MAP4K1: variants seen among roughly 807,000 people sequenced by gnomAD.
The protein encoded by MAP4K1 is MAPK/ERK kinase kinase kinase 1.
MAP4K1 carries 35 observed loss-of-function variants against 122.8 expected under a neutral mutation model. That is an observed-to-expected ratio of 0.29 (90% CI 0.22 to 0.38). The LOEUF (loss-of-function observed/expected upper bound fraction) is 0.38, where lower values mean the gene tolerates loss of function less well. MAP4K1 is among the 10% of genes least tolerant of loss of function. The pLI is 1.00. For missense variants in MAP4K1, 791 were observed against 1,072.6 expected, an observed-to-expected ratio of 0.74 and a Z score of 3.67; for synonymous variants, 412 against 421.3, an observed-to-expected ratio of 0.98 and a Z score of 0.27.
intron 19 of MAP4K1, among the ~76,000 whole-genome samples, chr19:38,601,921 G>T (rs777332874): frequency 6.6e-6 from 1 of 151,928 alleles, no homozygotes. Context: ...GGGACCAAAG[G>T]CGTGTGCCAC....
chr19:38,591,526 C>CAAAA (rs5828010), intron 30 of MAP4K1, among the ~76,000 whole-genome samples: 2 of 66,672 alleles, frequency 3.0e-5, no homozygotes, highest in Admixed American at 1.4e-4. Flanking sequence ...GACTCCATCT[C>CAAAA]AAAAAAAAAA....
intron 19 of MAP4K1, among the ~76,000 whole-genome samples, chr19:38,603,357 T>C (rs563009506): frequency 4.2e-5 from 6 of 144,374 alleles, no homozygotes; most frequent in Non-Finnish European, 6.1e-5. Flanking sequence ...CACATATACA[T>C]ATATACACAC....
intron 17 of MAP4K1, among the ~76,000 whole-genome samples, 168 bp downstream of exon 17, chr19:38,606,005 C>T (rs1441954731): frequency 6.6e-6 from 1 of 152,314 alleles, no homozygotes; most frequent in African/African-American, 2.4e-5. Context: ...ATTTTGAATC[C>T]GACCCTGAGG....
At chr19:38,603,293 CACATACAT>C (rs1975208854) in intron 19 of MAP4K1, among the ~76,000 whole-genome samples, 1 of 150,000 alleles carries the variant, frequency 6.7e-6, no homozygotes. Flanking sequence ...TATACACACA[CACATACAT>C]GTATACATAT....
In MAP4K1 at chr19:38,592,915, C is replaced by CTTAA. The variant is rs553588599; in HGVS notation, c.2396+366_2396+367insTTAA. Among the ~76,000 whole-genome samples, 605 of 146,926 alleles carry CTTAA rather than the reference C, an allele frequency of 4.1e-3. 8 individuals are homozygous for CTTAA. Among genetic ancestry groups the CTTAA allele is most frequent in the African/African-American group, 0.016 (585 of 36,986 alleles). On this transcript the variant is annotated intron_variant, in intron 30 of 30. Transcript: ENST00000396857. ...CTGGGCAACAAAAGCAAAACTCCAT[C>CTTAA]TCAATAAATAAATAAATAAATAAAT...
At chr19:38,596,996 AC>A in intron 25 of MAP4K1, 37 bp downstream of exon 25, 1 of 1,589,468 alleles carries the variant, frequency 6.3e-7, no homozygotes, top group Non-Finnish European at 8.6e-7. Context: ...TTAGCCACCC[AC>A]TCCTCAGAGT....
chr19:38,588,590 AAT>A (rs1286082915), intron 30 of MAP4K1, among the ~76,000 whole-genome samples: 1 of 148,230 alleles, frequency 6.7e-6, no homozygotes, highest in Non-Finnish European at 1.5e-5. Flanking sequence ...CTCTACTAAA[AAT>A]ACAAAAAAAA....
At position 38,597,482 on chromosome 19, in the gene MAP4K1, G is replaced by C; in HGVS notation, c.1778+4C>G. The stretch of plus-strand genomic sequence containing the variant: ...GTGTGGTGCCATTCATTGGGAGCTG[G>C]TACCTTGCCAGTAGGCGGTGGGGGC... On this transcript the variant is annotated splice_donor_region_variant and intron_variant, in intron 23 of 30. Transcript: ENST00000396857. The surrounding 1 kb of genome is among the most constrained non-coding windows in gnomAD (Gnocchi z 4.6). 1 of 1,613,988 alleles carries C rather than the reference G, an allele frequency of 6.2e-7. No individual in the cohort carries two copies. Among genetic ancestry groups the C allele is most frequent in the Non-Finnish European group, 8.5e-7 (1 of 1,179,920 alleles).
intron 19 of MAP4K1, 137 bp from the exon 20 acceptor site, chr19:38,601,662 T>C (rs1975069612): frequency 1.5e-6 from 1 of 648,156 alleles, no homozygotes; most frequent in Non-Finnish European, 2.7e-6. Flanking sequence ...TTTCCCATAA[T>C]CTATCCCTGT....
chr19:38,594,010 G>A (rs1261499636), intron 29 of MAP4K1, among the ~76,000 whole-genome samples: 1 of 152,198 alleles, frequency 6.6e-6, no homozygotes, highest in East Asian at 1.9e-4. Context: ...GGCACAGGAA[G>A]GTTAAGTCAT....
At position 38,608,094 on chromosome 19, in the gene MAP4K1, G is replaced by C. The variant is rs41274336; in HGVS notation, c.1065+18C>G. ...GGAAGCAGGCGGTGTGGTGGGGAGT[G>C]GGGGGACAGCATCTCACGGTGTTGG... On this transcript the variant is annotated intron_variant, in intron 14 of 30. Transcript: ENST00000396857. 7.7e-6 allele frequency: 12 copies of C among 1,550,072 alleles called. No homozygotes were observed. Among genetic ancestry groups the C allele is most frequent in the African/African-American group, 2.7e-5 (2 of 72,806 alleles).
chr19:38,608,703 G>A (rs956341437), intron 13 of MAP4K1, among the ~76,000 whole-genome samples: 2 of 150,244 alleles, frequency 1.3e-5, no homozygotes, highest in African/African-American at 4.9e-5. Flanking sequence ...TGGAGGCTGA[G>A]GCAGGAGAAT....
intron 4 of MAP4K1, chr19:38,614,646 C>T (rs1388645672): frequency 1.5e-5 from 9 of 616,716 alleles, no homozygotes; most frequent in Middle Eastern, 8.7e-4. Flanking sequence ...ATAGGCCTGG[C>T]GCAGTGGCTC....
At chr19:38,599,856 C>A in intron 22 of MAP4K1, 69 bp downstream of exon 22, 1 of 1,471,268 alleles carries the variant, frequency 6.8e-7, no homozygotes, top group Non-Finnish European at 9.5e-7. Context: ...TGCCCGTCTA[C>A]TTCCCAGCCC....
At chr19:38,593,404 C>T (rs2145932584) in intron 29 of MAP4K1, 67 bp from the exon 30 acceptor site, 4 of 1,439,002 alleles carry the variant, frequency 2.8e-6, no homozygotes, top group East Asian at 5.0e-5. Flanking sequence ...AACATGGCTC[C>T]CTTAAAGACA....
intron 22 of MAP4K1, among the ~76,000 whole-genome samples, chr19:38,598,546 G>T (rs1008368686): frequency 2.6e-5 from 4 of 152,006 alleles, no homozygotes; most frequent in African/African-American, 9.7e-5. Flanking sequence ...TGCCCAGGCT[G>T]ATCTAGAACT....
At chr19:38,603,224 A>G (rs551782963) in intron 19 of MAP4K1, among the ~76,000 whole-genome samples, 1 of 147,054 alleles carries the variant, frequency 6.8e-6, no homozygotes, top group African/African-American at 2.5e-5. Flanking sequence ...ATACACATAT[A>G]CATATACACA....
intron 4 of MAP4K1, 79 bp from the exon 5 acceptor site, chr19:38,614,524 C>T: frequency 6.7e-7 from 1 of 1,499,794 alleles, no homozygotes; most frequent in Non-Finnish European, 9.3e-7. Flanking sequence ...CCCCCCCACA[C>T]CAGCTAAGAG....
chr19:38,596,914 A>G (rs2145938643), intron 25 of MAP4K1, 120 bp downstream of exon 25: 2 of 919,224 alleles, frequency 2.2e-6, no homozygotes, highest in East Asian at 5.9e-5. Flanking sequence ...GGGCCTCGGG[A>G]GATTGGGGCG....
Sources: allele counts gnomAD v4.1 joint callset (sites outside exome capture counted in the v4.1 genomes callset), GRCh38; gene constraint gnomAD v4.1.1; non-coding constraint Gnocchi (gnomAD v3.1); transcripts MANE v1.5; gene names NCBI Gene and HGNC (gene_info 2026-07-23, HGNC 2026-07-21).